Variants in KIF6 observed in about 807,000 individuals in gnomAD.
KIF6 encodes kinesin-like protein KIF6.
A neutral mutation model predicts 112.7 loss-of-function variants in KIF6; 106 were observed. That is an observed-to-expected ratio of 0.94 (90% CI 0.80 to 1.11). The LOEUF is 1.11. Ranked by LOEUF, KIF6 falls within the 50% of genes least tolerant of loss-of-function variation. The pLI is 0.00. For missense variants in KIF6, 929 were observed against 964.0 expected, an observed-to-expected ratio of 0.96 and a Z score of 0.48; for synonymous variants, 339 against 339.9, an observed-to-expected ratio of 1.00 and a Z score of 0.03.
At chr6:39,483,204 A>G (rs1054834455) in intron 13 of KIF6, among the ~76,000 whole-genome samples, 3 of 152,198 alleles carry the variant, frequency 2.0e-5, no homozygotes, top group East Asian at 1.9e-4. Flanking sequence ...GGGGAAAGGG[A>G]ACAGAATAGA....
chr6:39,413,780 T>C (rs1434623439), intron 15 of KIF6, among the ~76,000 whole-genome samples: 1 of 152,160 alleles, frequency 6.6e-6, no homozygotes, highest in East Asian at 1.9e-4. Context: ...ATTCCCCACT[T>C]ACCTGAGACA....
intron 16 of KIF6, among the ~76,000 whole-genome samples, chr6:39,364,795 G>A (rs979614215): frequency 6.6e-6 from 1 of 152,104 alleles, no homozygotes; most frequent in African/African-American, 2.4e-5. Context: ...GATAACTCAA[G>A]GTTACATAGC....
intron 13 of KIF6, among the ~76,000 whole-genome samples, chr6:39,466,233 C>T (rs10214720): frequency 0.19 from 28,381 of 152,154 alleles, 4,060 homozygotes; most frequent in African/African-American, 0.4. Context: ...TTTCCTCCCC[C>T]CTTCCTCCTT....
At chr6:39,574,937 G>A (rs1355718579) in intron 10 of KIF6, among the ~76,000 whole-genome samples, 1 of 152,116 alleles carries the variant, frequency 6.6e-6, no homozygotes, top group Admixed American at 6.5e-5. Flanking sequence ...CATCTGTTAA[G>A]TTCTTAATGA....
intron 15 of KIF6, 60 bp from the exon 16 acceptor site, chr6:39,385,732 C>CACATGCTTCTGAGGCAG: frequency 9.5e-7 from 1 of 1,050,458 alleles, no homozygotes; most frequent in Non-Finnish European, 1.5e-6. Context: ...GGAAGACTGC[C>CACATGCTTCTGAGGCAG]TCAGAAGCAT....
intron 3 of KIF6, among the ~76,000 whole-genome samples, chr6:39,661,025 T>G (rs9462559): frequency 0.057 from 8,610 of 152,180 alleles, 806 homozygotes; most frequent in African/African-American, 0.19. Context: ...CAAATTGGTC[T>G]TACTTCCATA....
At chr6:39,492,422 T>C (rs753900436) in intron 13 of KIF6, among the ~76,000 whole-genome samples, 16 of 152,240 alleles carry the variant, frequency 1.1e-4, no homozygotes, top group Non-Finnish European at 2.1e-4. Context: ...CTCAACCTTT[T>C]ACAATTAGGA....
At chr6:39,615,250 C>G (rs764842252) in intron 5 of KIF6, among the ~76,000 whole-genome samples, 1 of 151,746 alleles carries the variant, frequency 6.6e-6, no homozygotes, top group African/African-American at 2.4e-5. Context: ...AGCATGAAGT[C>G]AAAAACGAAT....
intron 15 of KIF6, among the ~76,000 whole-genome samples, chr6:39,386,746 C>T (rs9349119): frequency 0.036 from 5,433 of 152,076 alleles, 218 homozygotes; most frequent in East Asian, 0.21. Context: ...TCCATGATTT[C>T]GTGCATGAAG....
At chr6:39,559,211 C>T (rs1342829033) in intron 10 of KIF6, among the ~76,000 whole-genome samples, 3 of 152,028 alleles carry the variant, frequency 2.0e-5, no homozygotes. Context: ...TTATAGACAG[C>T]CATTATTAGA....
intron 3 of KIF6, among the ~76,000 whole-genome samples, chr6:39,649,459 G>A (rs544972526): frequency 7.9e-5 from 12 of 152,212 alleles, no homozygotes; most frequent in African/African-American, 2.6e-4. Flanking sequence ...ATACATCTGC[G>A]GGCATACTGG....
At chr6:39,537,305 A>G (rs1778497906) in intron 13 of KIF6, among the ~76,000 whole-genome samples, 1 of 152,198 alleles carries the variant, frequency 6.6e-6, no homozygotes, top group South Asian at 2.1e-4. Context: ...ATGATTGTAT[A>G]TCTAGAAAAC....
chr6:39,571,218 T>C (rs79425457), intron 10 of KIF6, among the ~76,000 whole-genome samples: 1 of 152,322 alleles, frequency 6.6e-6, no homozygotes, highest in African/African-American at 2.4e-5. Context: ...ATCACTTCTA[T>C]TGATTCTTCA....
At chr6:39,555,972 A>AAG (rs1233205191) in intron 10 of KIF6, among the ~76,000 whole-genome samples, 1 of 151,628 alleles carries the variant, frequency 6.6e-6, no homozygotes, top group Non-Finnish European at 1.5e-5. Flanking sequence ...AAAAAAAAAA[A>AAG]AAGAAGATTT....
chr6:39,724,960 T>G (rs992393377), intron 1 of KIF6, among the ~76,000 whole-genome samples: 1 of 152,194 alleles, frequency 6.6e-6, no homozygotes, highest in Non-Finnish European at 1.5e-5. Flanking sequence ...CATGCACTAG[T>G]CTGCCCCCGC....
At chr6:39,679,950 T>C (rs1356248425) in intron 3 of KIF6, among the ~76,000 whole-genome samples, 1 of 151,230 alleles carries the variant, frequency 6.6e-6, no homozygotes, top group African/African-American at 2.4e-5. Flanking sequence ...GAAGCTGTTA[T>C]AACCTAACAG....
At chr6:39,481,167 T>C (rs974881221) in intron 13 of KIF6, among the ~76,000 whole-genome samples, 2 of 152,280 alleles carry the variant, frequency 1.3e-5, no homozygotes, top group Middle Eastern at 3.4e-3. Context: ...GATAAGAGCA[T>C]ACATTAATAT....
At chr6:39,594,152 A>G (rs1415691192) in intron 7 of KIF6, among the ~76,000 whole-genome samples, 3 of 152,234 alleles carry the variant, frequency 2.0e-5, no homozygotes, top group Admixed American at 6.5e-5. Flanking sequence ...AAGAGAAGAA[A>G]TGTGAGGAGA....
intron 13 of KIF6, among the ~76,000 whole-genome samples, chr6:39,443,030 C>T (rs546148190): frequency 7.3e-5 from 11 of 151,442 alleles, no homozygotes; most frequent in East Asian, 3.9e-4. Flanking sequence ...AGAAGAATGG[C>T]GTGAACCCGG....
Sources: gnomAD v4.1 joint callset for allele counts (sites outside exome capture counted in the v4.1 genomes callset) on GRCh38, gnomAD v4.1.1 for gene constraint, MANE v1.5 for transcripts, NCBI Gene and HGNC (gene_info 2026-07-23, HGNC 2026-07-21) for gene names.